ATIC: variants seen among roughly 807,000 people sequenced by gnomAD.
The protein encoded by ATIC is bifunctional purine biosynthesis protein ATIC.
A neutral mutation model predicts 72.5 loss-of-function variants in ATIC; 64 were observed. The ratio of observed to expected loss-of-function variants is 0.88; its 90% CI spans 0.72 to 1.09. The LOEUF is 1.09. ATIC is among the 50% of genes least tolerant of loss of function. ATIC has a pLI of 0.00. For missense variants in ATIC, 787 were observed against 732.4 expected, an observed-to-expected ratio of 1.07 and a Z score of -0.86; for synonymous variants, 281 against 267.1, an observed-to-expected ratio of 1.05 and a Z score of -0.51.
At chr2:215,354,805 C>G in the ATIC span, among the ~76,000 whole-genome samples, 1 of 151,074 alleles carries the variant, frequency 6.6e-6, no homozygotes, top group Admixed American at 6.6e-5. Context: ...CTTTTAAAGT[C>G]TCTTTACTCA....
chr2:215,363,465 C>T, the ATIC span: 1 of 152,202 alleles, frequency 6.6e-6, no homozygotes, highest in African/African-American at 2.4e-5. Flanking sequence ...TTGGGAGCAC[C>T]TCCCTCCCCA....
chr2:215,332,184 A>C (rs1288188502), intron 7 of ATIC, among the ~76,000 whole-genome samples, 198 bp from the exon 8 acceptor site: 1 of 144,678 alleles, frequency 6.9e-6, no homozygotes, highest in East Asian at 2.0e-4. Context: ...GTTCATGTAC[A>C]TGTGCATTTT....
At chr2:215,365,806 ATTTTT>A in the ATIC span, 11 of 251,968 alleles carry the variant, frequency 4.4e-5, no homozygotes, top group South Asian at 2.1e-4. Flanking sequence ...TTTACTTTTT[ATTTTT>A]TTTTTTTTTT....
At chr2:215,337,084 CTTTTTT>C (rs11285874) in intron 11 of ATIC, among the ~76,000 whole-genome samples, 3 of 138,648 alleles carry the variant, frequency 2.2e-5, no homozygotes, top group African/African-American at 7.9e-5. Flanking sequence ...TTGTTGTTGG[CTTTTTT>C]TTTTTTTTTA....
intron 9 of ATIC, among the ~76,000 whole-genome samples, chr2:215,333,970 A>G (rs1442761998): frequency 6.6e-6 from 1 of 151,554 alleles, no homozygotes; most frequent in Non-Finnish European, 1.5e-5. Flanking sequence ...TGAACCCGGC[A>G]GGTGGAACTT....
At chr2:215,322,805 G>A (rs532361181) in intron 4 of ATIC, among the ~76,000 whole-genome samples, 129 of 152,228 alleles carry the variant, frequency 8.5e-4, no homozygotes, top group Non-Finnish European at 1.1e-3. Flanking sequence ...TTGCCCAATC[G>A]AATGGTCTTG....
intron 12 of ATIC, among the ~76,000 whole-genome samples, chr2:215,341,703 T>C (rs979687723): frequency 7.2e-5 from 11 of 152,218 alleles, no homozygotes; most frequent in Non-Finnish European, 8.8e-5. Flanking sequence ...CTCCCATTTT[T>C]CTTGAATAGT....
chr2:215,359,995 A>G, the ATIC span, among the ~76,000 whole-genome samples: 8 of 152,054 alleles, frequency 5.3e-5, no homozygotes, highest in Non-Finnish European at 8.8e-5. Context: ...CTGGAGTTCA[A>G]TGGCACAATC....
the ATIC span, chr2:215,362,398 G>A: frequency 1.4e-5 from 5 of 355,952 alleles, no homozygotes; most frequent in East Asian, 6.4e-5. Flanking sequence ...CTCTGCACTA[G>A]ATGATAGAAA....
chr2:215,334,895 A>G, intron 9 of ATIC, 24 bp from the exon 10 acceptor site: 2 of 1,575,630 alleles, frequency 1.3e-6, no homozygotes, highest in Non-Finnish European at 1.7e-6. Flanking sequence ...TGTGATAAAT[A>G]CCTCATTTTA....
chr2:215,349,700 A>G lies in ATIC; in HGVS notation c.*45A>G. ...TTGGCTTGCTTATGTGTAGGTGAAC[A>G]GTCACGCCTGAAACTTTGAGGATAA... On this transcript the variant is annotated 3_prime_UTR_variant, in exon 16 of 16. Transcript: ENST00000236959. The G allele has an allele frequency of 6.2e-7, 1 of 1,614,038 alleles. No homozygotes were observed. Among genetic ancestry groups the G allele is most frequent in the Non-Finnish European group, 8.5e-7 (1 of 1,179,924 alleles).
In ATIC at chr2:215,346,780, C is replaced by T. The variant is rs758669440; in HGVS notation, c.1342C>T (p.Gln448Ter). 6.2e-7 allele frequency: 1 copy of T among 1,614,160 alleles called. No homozygotes were observed. The highest frequency in any genetic ancestry group is 1.1e-5 in the South Asian group (1 of 91,086). ...TCAGGTTATCGGCATTGGAGCAGGA[C>T]AGCAGTCTCGTATACACTGCACTCG... Reference protein sequence around the residue: ...NGQVIGIGAGQQSRIHCTRLA... With the variant: ...NGQVIGIGAG The change falls in exon 14 of 16, where the codon CAG (glutamine) becomes TAG (stop). Residue 448 changes from glutamine (Q) to a stop codon, truncating the protein, a stop_gained. Transcript: ENST00000236959. LOFTEE classifies it high-confidence loss of function.
chr2:215,349,661 C>G lies in ATIC; in HGVS notation c.*6C>G. On this transcript the variant is annotated 3_prime_UTR_variant, in exon 16 of 16. Coordinates refer to ENST00000236959, the MANE Select transcript of ATIC (RefSeq NM_004044.7). ...TTCGGCTCTTCCACCACTGATTTTACCACACACTGTTTTTTGGCTTGCTTA... is the reference window on the plus strand; with the variant it reads ...TTCGGCTCTTCCACCACTGATTTTAGCACACACTGTTTTTTGGCTTGCTTA... The G allele has an allele frequency of 1.2e-6, 2 of 1,614,148 alleles. No individual in the cohort carries two copies. The highest frequency in any genetic ancestry group is 8.5e-7 in the Non-Finnish European group (1 of 1,180,022).
At chr2:215,313,825 G>A (rs2052681135) in intron 2 of ATIC, among the ~76,000 whole-genome samples, 1 of 152,090 alleles carries the variant, frequency 6.6e-6, no homozygotes, top group Non-Finnish European at 1.5e-5. Context: ...TGTCTCTGTG[G>A]TTTTCATGGG....
chr2:215,357,535 G>T, the ATIC span, among the ~76,000 whole-genome samples: 115 of 152,306 alleles, frequency 7.6e-4, no homozygotes, highest in African/African-American at 2.6e-3. Context: ...TCTCATACCT[G>T]ACTCTACTGA....
At chr2:215,361,400 A>AG in the ATIC span, 5 of 744,328 alleles carry the variant, frequency 6.7e-6, no homozygotes, top group Non-Finnish European at 1.2e-5. Flanking sequence ...TGATGCTTGG[A>AG]GAAGCTGTGA....
At chr2:215,325,961 A>T (rs2052819192) in intron 5 of ATIC, 26 bp from the exon 6 acceptor site, 17 of 1,613,506 alleles carry the variant, frequency 1.1e-5, no homozygotes, top group Non-Finnish European at 1.4e-5. Flanking sequence ...ACATACAAAA[A>T]TCAATAAGTC....
In ATIC at chr2:215,326,810, C is replaced by T. The variant is rs78562722; in HGVS notation, c.532-12C>T. 342,205 of 1,613,510 alleles carry T rather than the reference C, an allele frequency of 0.21. 38,876 individuals carry two copies. Among genetic ancestry groups the T allele is most frequent in the East Asian group, 0.48 (21,480 of 44,854 alleles). ...TGCTGCTCGTGTCTCACAAAACTTA[C>T]GCTTTTTGTAGGCATTCACTCATAC... On this transcript the variant is annotated splice_polypyrimidine_tract_variant and intron_variant, in intron 6 of 15. Transcript: ENST00000236959.
In ATIC at chr2:215,312,632, A is replaced by G. The variant is rs1055004015; in HGVS notation, c.146+8A>G. ...TGCTGGTCTGGCAGTCAGGTAAGGC[A>G]TAGCTAGTTCCATCAGAAAGGAGTG... On this transcript the variant is annotated splice_region_variant and intron_variant, in intron 2 of 15. Coordinates refer to ENST00000236959, the MANE Select transcript of ATIC (RefSeq NM_004044.7). 2.9e-5 allele frequency: 47 copies of G among 1,614,052 alleles called. No homozygotes were observed. Among genetic ancestry groups the G allele is most frequent in the Non-Finnish European group, 3.4e-5 (40 of 1,180,022 alleles).
Sources: gnomAD v4.1 joint callset for allele counts (sites outside exome capture counted in the v4.1 genomes callset) on GRCh38, gnomAD v4.1.1 for gene constraint, MANE v1.5 for transcripts, NCBI Gene and HGNC (gene_info 2026-07-23, HGNC 2026-07-21) for gene names.